GPC5: variants seen among roughly 807,000 people sequenced by gnomAD.
GPC5 encodes glypican-5.
Under a neutral mutation model 53.9 loss-of-function variants are expected in GPC5, and 47 were observed. That is an observed-to-expected ratio of 0.87 (90% CI 0.69 to 1.11). GPC5 has a LOEUF of 1.11. GPC5 is among the 50% of genes most tolerant of loss of function. GPC5 has a pLI of 0.00. For synonymous variants in GPC5, 286 were observed against 263.3 expected, an observed-to-expected ratio of 1.09 and a Z score of -0.84; for missense variants, 748 against 713.1, an observed-to-expected ratio of 1.05 and a Z score of -0.56.
At chr13:91,817,474 C>T (rs1046933373) in intron 5 of GPC5, among the ~76,000 whole-genome samples, 55 of 152,082 alleles carry the variant, frequency 3.6e-4, no homozygotes, top group Non-Finnish European at 7.4e-4. Flanking sequence ...ATTAAGTATG[C>T]GAGATCTTTC....
At chr13:91,467,677 A>G (rs1490244650) in intron 2 of GPC5, among the ~76,000 whole-genome samples, 1 of 152,154 alleles carries the variant, frequency 6.6e-6, no homozygotes, top group East Asian at 1.9e-4. Flanking sequence ...TCAAAACATT[A>G]AAACCATTTT....
chr13:91,463,989 A>G (rs1882088147), intron 2 of GPC5, among the ~76,000 whole-genome samples: 1 of 152,146 alleles, frequency 6.6e-6, no homozygotes, highest in Admixed American at 6.6e-5. Flanking sequence ...TGCAAACTGC[A>G]TATGTGATGA....
At position 92,635,141 on chromosome 13, in the gene GPC5, T is replaced by C. The variant is rs78549945; in HGVS notation, c.1562-231141T>C. On this transcript the variant is annotated intron_variant, in intron 7 of 7. Transcript: ENST00000377067. ...TGTTTTCTGTTTTCTTATTACATTG[T>C]TAAACATTTCTGAAATTAACATGTA... Among the ~76,000 whole-genome samples, 1,387 of 152,268 alleles carry C rather than the reference T, an allele frequency of 9.1e-3. 21 individuals carry two copies. The highest frequency in any genetic ancestry group is 0.032 in the African/African-American group (1,313 of 41,576).
intron 7 of GPC5, among the ~76,000 whole-genome samples, chr13:92,500,601 T>C (rs1162379655): frequency 6.6e-6 from 1 of 152,116 alleles, no homozygotes; most frequent in Non-Finnish European, 1.5e-5. Flanking sequence ...CCTTCTGGCC[T>C]TCCAAGATAG....
intron 7 of GPC5, among the ~76,000 whole-genome samples, chr13:92,845,898 A>G (rs1251342817): frequency 6.6e-6 from 1 of 152,172 alleles, no homozygotes; most frequent in Non-Finnish European, 1.5e-5. Context: ...ATATTTAATA[A>G]CATTGTAACC....
intron 6 of GPC5, among the ~76,000 whole-genome samples, chr13:91,936,873 A>G (rs1020599361): frequency 4.6e-5 from 7 of 151,974 alleles, no homozygotes; most frequent in African/African-American, 1.7e-4. Context: ...ACATTTTCCA[A>G]GCCAGTCATC....
chr13:91,846,063 G>T (rs1244446976), intron 5 of GPC5, among the ~76,000 whole-genome samples: 2 of 152,064 alleles, frequency 1.3e-5, no homozygotes, highest in Non-Finnish European at 2.9e-5. Flanking sequence ...TGAAATCTAT[G>T]CAAATTAAAT....
chr13:91,859,794 G>A (rs570265436), intron 5 of GPC5, among the ~76,000 whole-genome samples: 5 of 151,066 alleles, frequency 3.3e-5, no homozygotes, highest in African/African-American at 1.2e-4. Flanking sequence ...TATTTTATTT[G>A]TTTCTTATTT....
chr13:91,630,719 C>T (rs1819226809), intron 2 of GPC5, among the ~76,000 whole-genome samples: 1 of 152,130 alleles, frequency 6.6e-6, no homozygotes, highest in Admixed American at 6.6e-5. Context: ...AGAATAGAGC[C>T]AAGGTACCCA....
At chr13:92,274,177 TA>T (rs1170781357) in intron 7 of GPC5, among the ~76,000 whole-genome samples, 2 of 152,212 alleles carry the variant, frequency 1.3e-5, no homozygotes, top group African/African-American at 4.8e-5. Flanking sequence ...CTTAGAATTT[TA>T]TTCTAGGCAT....
chr13:92,282,467 GA>G (rs2042923290), intron 7 of GPC5, among the ~76,000 whole-genome samples: 1 of 152,130 alleles, frequency 6.6e-6, no homozygotes, highest in African/African-American at 2.4e-5. Context: ...AAGTTGAAAT[GA>G]AGGAAAAAAT....
rs532166457 is a variant in GPC5, at chr13:91,843,917, A to G, written c.1281-64020A>G. On this transcript the variant is annotated intron_variant, in intron 5 of 7. Transcript: ENST00000377067. ...GATGAATGTGAACACCAAGCCTTCAAGGTTCAGTGGCTTCAGGGATAGTTA... is the reference window on the plus strand; with the variant it reads ...GATGAATGTGAACACCAAGCCTTCAGGGTTCAGTGGCTTCAGGGATAGTTA... Among the ~76,000 whole-genome samples the G allele has an allele frequency of 2.2e-3, 336 of 152,318 alleles. 3 individuals carry two copies. The highest frequency in any genetic ancestry group is 7.9e-3 in the African/African-American group (327 of 41,578).
intron 7 of GPC5, among the ~76,000 whole-genome samples, chr13:92,682,744 T>C (rs1412647136): frequency 6.6e-6 from 1 of 152,230 alleles, no homozygotes; most frequent in Admixed American, 6.5e-5. Flanking sequence ...GTATACATTG[T>C]ACCTACAAAA....
intron 2 of GPC5, among the ~76,000 whole-genome samples, chr13:91,654,589 GTC>G (rs1381393904): frequency 6.6e-6 from 1 of 152,100 alleles, no homozygotes; most frequent in Non-Finnish European, 1.5e-5. Context: ...TTTATACACT[GTC>G]TCTGGTTAGT....
chr13:91,539,947 C>G (rs2029869732), intron 2 of GPC5, among the ~76,000 whole-genome samples: 1 of 151,806 alleles, frequency 6.6e-6, no homozygotes, highest in African/African-American at 2.4e-5. Context: ...GCTTTAAAAT[C>G]GGAAATAAGA....
chr13:91,453,829 T>G (rs1373345379), intron 2 of GPC5, among the ~76,000 whole-genome samples: 2 of 152,080 alleles, frequency 1.3e-5, no homozygotes, highest in Non-Finnish European at 2.9e-5. Context: ...TGTTGATGCA[T>G]TTAATATATC....
intron 7 of GPC5, among the ~76,000 whole-genome samples, chr13:92,574,192 T>C (rs1160374463): frequency 1.3e-5 from 2 of 152,334 alleles, no homozygotes; most frequent in Non-Finnish European, 2.9e-5. Flanking sequence ...CTCAGAGTGA[T>C]ACAGATAAAG....
intron 6 of GPC5, among the ~76,000 whole-genome samples, chr13:92,027,689 A>C (rs1476600095): frequency 6.6e-6 from 1 of 152,182 alleles, no homozygotes; most frequent in Non-Finnish European, 1.5e-5. Context: ...GACTTCCCAG[A>C]CTTTTTGAAG....
chr13:92,118,968 T>G (rs1181395134), intron 6 of GPC5, among the ~76,000 whole-genome samples: 1 of 152,236 alleles, frequency 6.6e-6, no homozygotes, highest in Admixed American at 6.5e-5. Context: ...TAAAGCAGGT[T>G]GAAAAGAAAC....
Sources: allele counts gnomAD v4.1 joint callset (sites outside exome capture counted in the v4.1 genomes callset), GRCh38; gene constraint gnomAD v4.1.1; transcripts MANE v1.5; gene names NCBI Gene and HGNC (gene_info 2026-07-23, HGNC 2026-07-21).